SCAMP1: variants seen among roughly 807,000 people sequenced by gnomAD.
SCAMP1 encodes the protein secretory carrier-associated membrane protein 1.
A neutral mutation model predicts 41.8 loss-of-function variants in SCAMP1; 15 were observed. The ratio of observed to expected loss-of-function variants is 0.36; its 90% confidence interval spans 0.24 to 0.55. The LOEUF (loss-of-function observed/expected upper bound fraction) is 0.55. SCAMP1 is among the 20% of genes least tolerant of loss of function. The pLI is 0.86. For synonymous variants in SCAMP1, 135 were observed against 136.8 expected (o/e 0.99, Z 0.09); for missense variants, 341 against 412.6 (o/e 0.83, Z 1.50).
intron 6 of SCAMP1, among the ~76,000 whole-genome samples, chr5:78,446,267 A>C (rs1435193340): frequency 6.6e-6 from 1 of 152,170 alleles, no homozygotes; most frequent in Non-Finnish European, 1.5e-5. Flanking sequence ...AGGACTTCTT[A>C]ATTTTTAAAA....
chr5:78,372,325 TACC>T (rs1375345024), intron 1 of SCAMP1, among the ~76,000 whole-genome samples: 2 of 152,204 alleles, frequency 1.3e-5, no homozygotes, highest in Admixed American at 1.3e-4. Context: ...GGTGTAATTT[TACC>T]ACCATTTGGC....
At chr5:78,421,224 A>G (rs1328615709) in intron 5 of SCAMP1, among the ~76,000 whole-genome samples, 2 of 152,182 alleles carry the variant, frequency 1.3e-5, no homozygotes, top group African/African-American at 4.8e-5. Context: ...TGTGTGGGGG[A>G]GTGAGGAGGG....
At chr5:78,415,291 A>G (rs1752183228) in intron 2 of SCAMP1, among the ~76,000 whole-genome samples, 1 of 152,154 alleles carries the variant, frequency 6.6e-6, no homozygotes, top group Non-Finnish European at 1.5e-5. Flanking sequence ...AGTGTTTGTC[A>G]TATAGTGTTA....
At chr5:78,412,378 GT>G (rs1752101650) in intron 2 of SCAMP1, among the ~76,000 whole-genome samples, 1 of 150,018 alleles carries the variant, frequency 6.7e-6, no homozygotes, top group African/African-American at 2.4e-5. Flanking sequence ...TTTTTGTCTT[GT>G]TTTGTTTTTT....
At chr5:78,398,354 T>C (rs1390513707) in intron 2 of SCAMP1, among the ~76,000 whole-genome samples, 1 of 103,992 alleles carries the variant, frequency 9.6e-6, no homozygotes, top group Non-Finnish European at 1.9e-5. Context: ...AGGGTTCACC[T>C]CTTTTTTTTT....
intron 6 of SCAMP1, among the ~76,000 whole-genome samples, chr5:78,437,129 A>C (rs1055682203): frequency 1.3e-5 from 2 of 152,136 alleles, no homozygotes; most frequent in African/African-American, 4.8e-5. Flanking sequence ...GGCTGAGATG[A>C]TGGGGTTTTC....
intron 5 of SCAMP1, among the ~76,000 whole-genome samples, chr5:78,419,890 TGA>T (rs1482930435): frequency 1.3e-5 from 2 of 152,240 alleles, no homozygotes; most frequent in African/African-American, 4.8e-5. Flanking sequence ...GAGATATTCT[TGA>T]TCTAATATCT....
intron 2 of SCAMP1, among the ~76,000 whole-genome samples, chr5:78,404,972 T>C (rs1156360673): frequency 6.6e-6 from 1 of 152,206 alleles, no homozygotes; most frequent in Non-Finnish European, 1.5e-5. Flanking sequence ...ATTTCTTAAT[T>C]ACAGTTAAGG....
At chr5:78,466,387 C>T (rs1470353881) in intron 8 of SCAMP1, among the ~76,000 whole-genome samples, 4 of 152,108 alleles carry the variant, frequency 2.6e-5, no homozygotes, top group East Asian at 1.9e-4. Flanking sequence ...AGTATTGCCT[C>T]AGCTGAGATA....
chr5:78,432,723 T>C (rs894755213), intron 6 of SCAMP1, among the ~76,000 whole-genome samples: 1 of 152,090 alleles, frequency 6.6e-6, no homozygotes, highest in Non-Finnish European at 1.5e-5. Flanking sequence ...TGTGTGTTTC[T>C]GTTTATCCTT....
chr5:78,427,526 T>A (rs750722271), intron 6 of SCAMP1, among the ~76,000 whole-genome samples: 13 of 152,200 alleles, frequency 8.5e-5, no homozygotes, highest in Non-Finnish European at 1.8e-4. Flanking sequence ...AATATATTTT[T>A]AAGAGTTACC....
chr5:78,477,811 C>T lies in SCAMP1; in HGVS notation c.*2143C>T, dbSNP rs1026992037. 1.3e-5 allele frequency: 2 copies of T among 151,910 alleles called. No individual in the cohort carries two copies. The highest frequency in any genetic ancestry group is 2.9e-5 in the Non-Finnish European group (2 of 67,932). 9.4% of individuals were successfully genotyped at this position (151,910 alleles called of 1,614,324 possible). A position where few individuals can be genotyped will look rare whatever the true frequency, so the allele number is the denominator to read the frequency against. ...TATGTGCATTGAAATGATGGCAATG[C>T]TTATAGTATGATCAAGTATGAAAGG... On this transcript the variant is annotated 3_prime_UTR_variant, in exon 9 of 9. Transcript: ENST00000621999.
At chr5:78,469,259 A>G (rs16875433) in intron 8 of SCAMP1, among the ~76,000 whole-genome samples, 8,210 of 152,230 alleles carry the variant, frequency 0.054, 431 homozygotes, top group East Asian at 0.3. Context: ...TAGGCATGCT[A>G]CTTCTCTCTC....
At chr5:78,456,528 C>T (rs1753407682) in intron 7 of SCAMP1, among the ~76,000 whole-genome samples, 1 of 151,498 alleles carries the variant, frequency 6.6e-6, no homozygotes. Context: ...TCTCTTCTGG[C>T]TTGTAGGGTT....
At chr5:78,398,609 T>C (rs1486496977) in intron 2 of SCAMP1, among the ~76,000 whole-genome samples, 1 of 142,994 alleles carries the variant, frequency 7.0e-6, no homozygotes, top group African/African-American at 2.6e-5. Context: ...TGGAGTGCGA[T>C]CTTGGCTCAC....
At chr5:78,450,661 G>A (rs1191802183) in intron 7 of SCAMP1, among the ~76,000 whole-genome samples, 1 of 152,202 alleles carries the variant, frequency 6.6e-6, no homozygotes. Context: ...GGGTGGAAGA[G>A]TACACATCTC....
intron 6 of SCAMP1, among the ~76,000 whole-genome samples, chr5:78,446,823 C>T (rs1753063266): frequency 6.6e-6 from 1 of 152,166 alleles, no homozygotes; most frequent in African/African-American, 2.4e-5. Flanking sequence ...TTAAATCTGA[C>T]TGACATAGAA....
intron 6 of SCAMP1, among the ~76,000 whole-genome samples, chr5:78,442,658 T>G (rs1302030353): frequency 9.2e-5 from 14 of 152,226 alleles, no homozygotes; most frequent in Non-Finnish European, 1.0e-4. Flanking sequence ...TCCTTTTATT[T>G]AATTTTTTTG....
At chr5:78,400,130 C>T (rs1459051074) in intron 2 of SCAMP1, among the ~76,000 whole-genome samples, 2 of 152,180 alleles carry the variant, frequency 1.3e-5, no homozygotes, top group Admixed American at 6.5e-5. Context: ...GTTGAAAAGA[C>T]TGTTCCATTG....
Sources: gnomAD v4.1 joint callset for allele counts (sites outside exome capture counted in the v4.1 genomes callset) on GRCh38, gnomAD v4.1.1 for gene constraint, MANE v1.5 for transcripts, NCBI Gene and HGNC (gene_info 2026-07-23, HGNC 2026-07-21) for gene names.